Variants in ATPAF2 observed in about 807,000 individuals in gnomAD.
The protein encoded by ATPAF2 is ATP synthase mitochondrial F1 complex assembly factor 2, also known as ATP12 homolog.
Under a neutral mutation model 36.6 loss-of-function variants are expected in ATPAF2, and 30 were observed. That is an observed-to-expected ratio of 0.82 (90% CI 0.61 to 1.11). ATPAF2 has a LOEUF of 1.11. Among genes scored for constraint, ATPAF2 ranks in the 50% most tolerant of loss-of-function variants. The pLI is 0.00. For synonymous variants in ATPAF2, 140 were observed against 152.6 expected, an observed-to-expected ratio of 0.92 and a Z score of 0.61; for missense variants, 321 against 372.3, an observed-to-expected ratio of 0.86 and a Z score of 1.13.
rs1330181780 is a variant in ATPAF2 at position 18,038,049 on chromosome 17, GAAT to G, written c.133+829_133+831del. ...GATATTATAAACCACAATTTAATCA[GAAT>G]ATTATAACCTTTTGCAATGAACAGT... On this transcript the variant is annotated intron_variant, in intron 1 of 7. Coordinates refer to ENST00000474627, the MANE Select transcript of ATPAF2 (RefSeq NM_145691.4). Among the ~76,000 whole-genome samples, 8 of 152,328 alleles carry G rather than the reference GAAT, an allele frequency of 5.3e-5. No homozygotes were observed. The South Asian group carries it at 1.0e-3, about 20-fold the overall frequency.
chr17:18,023,492 G>C (rs2044501671), intron 5 of ATPAF2, among the ~76,000 whole-genome samples: 1 of 152,148 alleles, frequency 6.6e-6, no homozygotes, highest in South Asian at 2.1e-4. Context: ...GTAAGAAATG[G>C]CTAAGTTTTT....
chr17:18,024,991 G>A (rs1426630430), intron 4 of ATPAF2: 2 of 450,164 alleles, frequency 4.4e-6, no homozygotes, highest in Non-Finnish European at 8.2e-6. Flanking sequence ...GGATTCTAGT[G>A]TAAGCTTGAG....
In ATPAF2 at chr17:18,028,461, G is replaced by A. The variant is rs994499798; in HGVS notation, c.179-84C>T. The A allele has an allele frequency of 3.8e-6, 6 of 1,576,048 alleles. No individual in the cohort carries two copies. In the Admixed American group the frequency reaches 8.8e-5, roughly 23 times the overall value. ...CCTATATTTAGCCACTTGAATTGGT[G>A]CAGACAAAGCCAACTCTGAGTCCCT... On this transcript the variant is annotated intron_variant, in intron 2 of 7. Transcript: ENST00000474627.
At chr17:18,037,916 T>C (rs2044727297) in intron 1 of ATPAF2, among the ~76,000 whole-genome samples, 2 of 152,220 alleles carry the variant, frequency 1.3e-5, no homozygotes, top group South Asian at 4.1e-4. Context: ...TGGCTCAGCT[T>C]AAACAAACGC....
chr17:18,033,103 T>A (rs1328093727), intron 1 of ATPAF2, among the ~76,000 whole-genome samples: 2 of 151,940 alleles, frequency 1.3e-5, no homozygotes, highest in Non-Finnish European at 2.9e-5. Flanking sequence ...GCATGGTGGC[T>A]CATGCCTGTA....
At chr17:18,030,063 G>A (rs1264860858) in intron 1 of ATPAF2, among the ~76,000 whole-genome samples, 1 of 151,086 alleles carries the variant, frequency 6.6e-6, no homozygotes, top group African/African-American at 2.4e-5. Flanking sequence ...GCTCACGCCT[G>A]TAATCCCAGC....
chr17:18,032,558 C>T (rs2044650856), intron 1 of ATPAF2, among the ~76,000 whole-genome samples: 1 of 152,196 alleles, frequency 6.6e-6, no homozygotes, highest in Non-Finnish European at 1.5e-5. Context: ...AGGGGCTCTC[C>T]TGAATGACCC....
intron 3 of ATPAF2, 152 bp downstream of exon 3, chr17:18,028,080 T>C (rs938466850): frequency 3.4e-6 from 3 of 882,278 alleles, no homozygotes; most frequent in Non-Finnish European, 3.8e-6. Context: ...GGAAAGAGTT[T>C]AGCACGTTAG....
intron 3 of ATPAF2, chr17:18,026,626 G>A: frequency 1.7e-6 from 1 of 600,376 alleles, no homozygotes; most frequent in Non-Finnish European, 3.0e-6. Flanking sequence ...GACGCTCACA[G>A]GACTCGAGGG....
chr17:18,024,708 A>C lies in ATPAF2; in HGVS notation c.423-4T>G. 6.2e-7 allele frequency: 1 copy of C among 1,611,372 alleles called. No individual in the cohort carries two copies. Among genetic ancestry groups the C allele is most frequent in the South Asian group, 1.1e-5 (1 of 91,050 alleles). On this transcript the variant is annotated splice_region_variant and splice_polypyrimidine_tract_variant and intron_variant, in intron 4 of 7. Transcript: ENST00000474627. ...CTCGGGCTCCTCCACCCTGTAGCTA[A>C]TTCATTGTAAAAATAACCTTCATTA...
At chr17:18,026,641 T>C (rs1005232432) in intron 3 of ATPAF2, 27 of 592,154 alleles carry the variant, frequency 4.6e-5, no homozygotes, top group Non-Finnish European at 7.8e-5. Context: ...CGAGGGAAGC[T>C]TGCAGCAGCC....
At position 18,028,307 on chromosome 17, in the gene ATPAF2, G is replaced by A. The variant is rs747257537; in HGVS notation, c.249C>T (p.Ser83=). The change falls in exon 3 of 8, where the codon AGC becomes AGT. Residue 83 remains serine (S), a synonymous_variant. Coordinates refer to ENST00000474627, the MANE Select transcript of ATPAF2 (RefSeq NM_145691.4). ...TPQAKLFTVP[S]EALAIAVATE... ...TAGCCACTGCAATGGCCAGGGCCTC[G>A]CTGGGGACGGTAAAGAGCTTGGCTT... The A allele has an allele frequency of 8.1e-6, 13 of 1,614,014 alleles. No homozygotes were observed. Among genetic ancestry groups the A allele is most frequent in the Middle Eastern group, 1.6e-4 (1 of 6,084 alleles).
chr17:18,030,600 G>A (rs1597674905), intron 1 of ATPAF2, among the ~76,000 whole-genome samples: 4 of 149,772 alleles, frequency 2.7e-5, no homozygotes, highest in Admixed American at 2.7e-4. Context: ...ATTAGTATGT[G>A]TGCATGGACA....
rs570305118 is a variant in ATPAF2 at position 18,018,588 on chromosome 17, G to A, written c.831C>T (p.Ser277=). ...GCTTGTGCTTGACTGTGGTGCTCTC[G>A]GAGCAGAGATGGATGAAGAGGGTGC... ...AAGTLFIHLC[S]ESTTVKHKLL... The change falls in exon 8 of 8, where the codon TCC becomes TCT. Residue 277 remains serine, a synonymous_variant. Coordinates refer to ENST00000474627, the MANE Select transcript of ATPAF2 (RefSeq NM_145691.4). 18 of 1,613,952 alleles carry A rather than the reference G, an allele frequency of 1.1e-5. No individual in the cohort carries two copies. Among genetic ancestry groups the A allele is most frequent in the Middle Eastern group, 1.6e-4 (1 of 6,062 alleles).
intron 5 of ATPAF2, among the ~76,000 whole-genome samples, chr17:18,023,291 C>G (rs7215524): frequency 6.6e-6 from 1 of 151,158 alleles, no homozygotes; most frequent in Non-Finnish European, 1.5e-5. Flanking sequence ...ATTAGCTGGG[C>G]GTGGTGGGCG....
At chr17:18,037,198 C>T (rs1454334825) in intron 1 of ATPAF2, among the ~76,000 whole-genome samples, 1 of 152,222 alleles carries the variant, frequency 6.6e-6, no homozygotes, top group East Asian at 1.9e-4. Flanking sequence ...CTCTTCTTTA[C>T]TGGCCCTTCA....
intron 1 of ATPAF2, among the ~76,000 whole-genome samples, chr17:18,029,951 C>A (rs1437552458): frequency 1.4e-5 from 2 of 148,108 alleles, no homozygotes; most frequent in Non-Finnish European, 3.0e-5. Flanking sequence ...CTTTGGGAGG[C>A]CAAGGTGGGA....
chr17:18,030,768 C>T (rs1316507978), intron 1 of ATPAF2, among the ~76,000 whole-genome samples: 13 of 145,274 alleles, frequency 8.9e-5, no homozygotes, highest in Non-Finnish European at 3.0e-5. Flanking sequence ...CCCAGGTTCA[C>T]GCCATTCTCC....
At chr17:18,016,131 T>C (rs375626870), downstream of ATPAF2, 27 of 1,613,840 alleles carry the variant, frequency 1.7e-5, no homozygotes, top group South Asian at 3.3e-5. Context: ...CTCCTGAAGA[T>C]TGACAATCGA....
Sources: allele counts gnomAD v4.1 joint callset (sites outside exome capture counted in the v4.1 genomes callset), GRCh38; gene constraint gnomAD v4.1.1; transcripts MANE v1.5; gene names NCBI Gene and HGNC (gene_info 2026-07-23, HGNC 2026-07-21).